The following DYNC1I1 variants were observed in gnomAD, a reference collection of about 807,000 sequenced individuals.
DYNC1I1 encodes cytoplasmic dynein 1 intermediate chain 1.
DYNC1I1 carries 43 observed loss-of-function variants against 86.6 expected under a neutral mutation model. The observed-to-expected ratio is 0.50, with a 90% confidence interval of 0.39 to 0.64. DYNC1I1 has a LOEUF of 0.64. DYNC1I1 is among the 30% of genes least tolerant of loss of function. The pLI, the probability that DYNC1I1 is intolerant of heterozygous loss-of-function variation, is 0.00. For synonymous variants in DYNC1I1, 262 were observed against 283.7 expected (o/e 0.92, Z 0.77); for missense variants, 604 against 788.8 (o/e 0.77, Z 2.81).
chr7:95,922,495 A>G (rs1392521066), intron 6 of DYNC1I1, among the ~76,000 whole-genome samples: 1 of 152,160 alleles, frequency 6.6e-6, no homozygotes, highest in African/African-American at 2.4e-5. Flanking sequence ...AAGAGAAAGT[A>G]AAAACCACAC....
At chr7:96,036,643 A>G (rs778175868) in intron 13 of DYNC1I1, among the ~76,000 whole-genome samples, 5 of 152,292 alleles carry the variant, frequency 3.3e-5, no homozygotes, top group Non-Finnish European at 5.9e-5. Context: ...CTAAAAATAT[A>G]TATTGGGGAT....
chr7:95,930,397 G>C (rs17719088), intron 6 of DYNC1I1, among the ~76,000 whole-genome samples: 14,680 of 152,138 alleles, frequency 0.096, 1,067 homozygotes, highest in East Asian at 0.24. Context: ...TAAGTCATTT[G>C]TCAATAAATG....
intron 4 of DYNC1I1, among the ~76,000 whole-genome samples, chr7:95,816,530 G>A (rs1274316811): frequency 2.6e-5 from 4 of 151,880 alleles, no homozygotes; most frequent in Non-Finnish European, 5.9e-5. Flanking sequence ...TCTCCTGATC[G>A]GTTTTGGTAG....
chr7:95,878,790 G>T (rs375615971), intron 6 of DYNC1I1, among the ~76,000 whole-genome samples: 1 of 151,998 alleles, frequency 6.6e-6, no homozygotes, highest in East Asian at 1.9e-4. Context: ...TAGTACAAAT[G>T]CTGAAACCCA....
At chr7:95,862,585 C>G (rs2116130121) in intron 5 of DYNC1I1, among the ~76,000 whole-genome samples, 1 of 152,244 alleles carries the variant, frequency 6.6e-6, no homozygotes, top group South Asian at 2.1e-4. Flanking sequence ...AATTAGAACG[C>G]TAATACACTG....
chr7:95,915,734 C>T (rs964621784), intron 6 of DYNC1I1, among the ~76,000 whole-genome samples: 2 of 152,094 alleles, frequency 1.3e-5, no homozygotes, highest in South Asian at 4.1e-4. Context: ...GAGAAAATTT[C>T]TCTTTTCACT....
intron 4 of DYNC1I1, among the ~76,000 whole-genome samples, chr7:95,821,694 T>TATC (rs2115889179): frequency 6.6e-6 from 1 of 152,254 alleles, no homozygotes; most frequent in Non-Finnish European, 1.5e-5. Flanking sequence ...TTTTTGTTAT[T>TATC]ATTATTATTA....
At chr7:95,914,790 G>A (rs769133029) in intron 6 of DYNC1I1, among the ~76,000 whole-genome samples, 5 of 152,116 alleles carry the variant, frequency 3.3e-5, no homozygotes, top group South Asian at 2.1e-4. Flanking sequence ...GAATTCTCCC[G>A]GCTGGGTGCC....
intron 14 of DYNC1I1, among the ~76,000 whole-genome samples, chr7:96,051,456 C>G (rs2116109168): frequency 6.6e-6 from 1 of 152,268 alleles, no homozygotes; most frequent in South Asian, 2.1e-4. Context: ...GGATTTTGGA[C>G]ACCACCCTGG....
At position 96,050,049 on chromosome 7, in the gene DYNC1I1, A is replaced by AC. The variant is rs1412359012; in HGVS notation, c.1509+10629dup. Among the ~76,000 whole-genome samples the AC allele has an allele frequency of 6.4e-4, 97 of 151,338 alleles. 1 individual carries two copies. Among genetic ancestry groups the AC allele is most frequent in the African/African-American group, 2.2e-3 (92 of 41,140 alleles). ...AAAAAACAAACAAACAAAAAAAAAA[A>AC]CAGTATAGCTCAAAAAGATAACCAG... On this transcript the variant is annotated intron_variant, in intron 14 of 16. Coordinates refer to ENST00000447467, the MANE Select transcript of DYNC1I1 (RefSeq NM_001135556.2).
At chr7:96,059,918 T>C (rs1789711652) in intron 14 of DYNC1I1, among the ~76,000 whole-genome samples, 1 of 152,204 alleles carries the variant, frequency 6.6e-6, no homozygotes, top group Non-Finnish European at 1.5e-5. Flanking sequence ...ATGGTCTTTT[T>C]GGCCTACTAA....
intron 14 of DYNC1I1, among the ~76,000 whole-genome samples, chr7:96,065,398 G>C (rs1789944969): frequency 1.3e-5 from 1 of 79,260 alleles, no homozygotes; most frequent in African/African-American, 5.6e-5. Flanking sequence ...TTTTTTTTGA[G>C]ACAGGGTCTC....
intron 5 of DYNC1I1, among the ~76,000 whole-genome samples, chr7:95,848,583 T>C (rs1431381804): frequency 6.6e-6 from 1 of 152,196 alleles, no homozygotes; most frequent in East Asian, 1.9e-4. Flanking sequence ...TATGGCTGAA[T>C]AGTATTCCAT....
intron 2 of DYNC1I1, among the ~76,000 whole-genome samples, chr7:95,806,768 T>C (rs558348371): frequency 2.0e-5 from 3 of 152,274 alleles, no homozygotes; most frequent in African/African-American, 7.2e-5. Context: ...CTTGAAATCT[T>C]TTCCCTTCAC....
At chr7:95,787,321 A>G (rs952809994) in intron 1 of DYNC1I1, among the ~76,000 whole-genome samples, 1 of 152,134 alleles carries the variant, frequency 6.6e-6, no homozygotes, top group African/African-American at 2.4e-5. Context: ...TATTAAGGAT[A>G]ATCTTAAAGG....
intron 14 of DYNC1I1, among the ~76,000 whole-genome samples, chr7:96,057,028 T>G (rs1208555679): frequency 1.3e-5 from 2 of 152,186 alleles, no homozygotes; most frequent in African/African-American, 4.8e-5. Flanking sequence ...TTTAGACAGG[T>G]GTCTAACCAT....
chr7:95,917,260 G>A (rs1163416946), intron 6 of DYNC1I1, among the ~76,000 whole-genome samples: 4 of 152,176 alleles, frequency 2.6e-5, no homozygotes, highest in Non-Finnish European at 4.4e-5. Flanking sequence ...CGAGAAGCGG[G>A]TGGGAGGGGC....
intron 16 of DYNC1I1, among the ~76,000 whole-genome samples, chr7:96,094,200 A>G (rs957980019): frequency 1.3e-5 from 2 of 152,160 alleles, no homozygotes; most frequent in Admixed American, 6.5e-5. Flanking sequence ...TTTAATTCAA[A>G]CACAGTGCCT....
intron 7 of DYNC1I1, among the ~76,000 whole-genome samples, chr7:95,983,978 G>A (rs191326447): frequency 5.9e-5 from 9 of 152,154 alleles, no homozygotes; most frequent in African/African-American, 2.2e-4. Flanking sequence ...GGTCTGGGGA[G>A]TTCCTAATCC....
Sources: gnomAD v4.1 joint callset for allele counts (sites outside exome capture counted in the v4.1 genomes callset) on GRCh38, gnomAD v4.1.1 for gene constraint, MANE v1.5 for transcripts, NCBI Gene and HGNC (gene_info 2026-07-23, HGNC 2026-07-21) for gene names.